Variants in RC3H2 observed in about 807,000 individuals in gnomAD.
RC3H2 encodes ring finger and CCCH-type domains 2.
Under a neutral mutation model 133.3 loss-of-function variants are expected in RC3H2, and 31 were observed. The ratio of observed to expected loss-of-function variants is 0.23; its 90% CI spans 0.17 to 0.31. The LOEUF is 0.31. Among genes scored for constraint, RC3H2 ranks in the 10% least tolerant of loss-of-function variants. The pLI is 1.00. For missense variants in RC3H2, 1,175 were observed against 1,437.2 expected, an observed-to-expected ratio of 0.82 and a Z score of 2.95; for synonymous variants, 517 against 502.2, an observed-to-expected ratio of 1.03 and a Z score of -0.40.
intron 18 of RC3H2, among the ~76,000 whole-genome samples, chr9:122,852,757 T>C (rs747843023): frequency 1.1e-4 from 15 of 142,340 alleles, no homozygotes; most frequent in Non-Finnish European, 2.0e-4. Flanking sequence ...GGGAGGGAGG[T>C]GGGGGGGTCA....
intron 2 of RC3H2, 68 bp from the exon 3 acceptor site, chr9:122,893,094 T>C (rs1270109886): frequency 2.0e-6 from 3 of 1,533,214 alleles, no homozygotes; most frequent in African/African-American, 1.4e-5. Flanking sequence ...ATTATTTATG[T>C]ACTTGATAAT....
chr9:122,851,794 C>T (rs1830033014), intron 18 of RC3H2, among the ~76,000 whole-genome samples: 1 of 152,234 alleles, frequency 6.6e-6, no homozygotes, highest in Non-Finnish European at 1.5e-5. Flanking sequence ...CTGGTTCACT[C>T]AGTGCTCAAT....
intron 9 of RC3H2, among the ~76,000 whole-genome samples, chr9:122,871,311 T>G (rs1179891823): frequency 6.6e-6 from 1 of 152,138 alleles, no homozygotes; most frequent in African/African-American, 2.4e-5. Flanking sequence ...TTCTTTTTTT[T>G]TTTTGAGACG....
chr9:122,859,252 C>CTTTGTTTTTTTTT (rs1830367509), intron 11 of RC3H2, 150 bp from the exon 12 acceptor site: 1 of 179,744 alleles, frequency 5.6e-6, no homozygotes, highest in African/African-American at 4.9e-5. Flanking sequence ...TATACCCTGG[C>CTTTGTTTTTTTTT]TTTTTTTTTT....
intron 13 of RC3H2, among the ~76,000 whole-genome samples, chr9:122,856,149 G>A (rs1320393537): frequency 2.0e-5 from 3 of 151,754 alleles, no homozygotes; most frequent in African/African-American, 7.3e-5. Context: ...TTTATAGTAT[G>A]GTACTAACAT....
intron 9 of RC3H2, among the ~76,000 whole-genome samples, chr9:122,876,830 AAG>A (rs1246619347): frequency 6.6e-6 from 1 of 152,116 alleles, no homozygotes; most frequent in African/African-American, 2.4e-5. Context: ...GGAGAAGAGA[AAG>A]AATACACAGG....
At position 122,848,004 on chromosome 9, in the gene RC3H2, AG is replaced by A. The variant is rs1353495930; in HGVS notation, c.*1622del. The A allele has an allele frequency of 6.6e-6, 1 of 152,164 alleles. No homozygotes were observed. The highest frequency in any genetic ancestry group is 2.4e-5 in the African/African-American group (1 of 41,456). 9.4% of individuals were successfully genotyped at this position (152,164 alleles called of 1,614,324 possible). On this transcript the variant is annotated 3_prime_UTR_variant, in exon 21 of 21. Transcript: ENST00000357244. ...TTACTCATTCTAATCAAGAAATTTC[AG>A]GGAAATGTCAACCCTCCCGCCCCTG...
chr9:122,873,535 C>G (rs935810415), intron 9 of RC3H2, among the ~76,000 whole-genome samples: 1 of 151,752 alleles, frequency 6.6e-6, no homozygotes, highest in Non-Finnish European at 1.5e-5. Flanking sequence ...ATGGTGAATC[C>G]CCATCTCTAC....
intron 18 of RC3H2, among the ~76,000 whole-genome samples, chr9:122,853,101 G>A (rs965881105): frequency 2.0e-5 from 3 of 152,094 alleles, no homozygotes; most frequent in Admixed American, 6.5e-5. Context: ...TGTGCTCTCT[G>A]AAACATGTGC....
At chr9:122,858,123 T>A (rs1167226228) in intron 12 of RC3H2, 30 bp from the exon 13 acceptor site, 4 of 1,599,854 alleles carry the variant, frequency 2.5e-6, no homozygotes, top group Non-Finnish European at 3.4e-6. Context: ...ACAATCTTAA[T>A]CATCTAGGGA....
chr9:122,860,030 G>C lies in RC3H2; in HGVS notation c.1736C>G (p.Ser579Cys). The C allele has an allele frequency of 6.2e-7, 1 of 1,614,094 alleles. No homozygotes were observed. The highest frequency in any genetic ancestry group is 8.5e-7 in the Non-Finnish European group (1 of 1,179,996). Residue 579 changes from serine (S) to cysteine (C), a missense_variant, in exon 11 of 21, where the codon TCC becomes TGC. By Grantham distance (112) the Ser-to-Cys change is moderately radical (BLOSUM62 -1). This residue lies in a region of RC3H2 where 490 missense variants were observed against 492.8 expected (regional missense o/e 0.99). Coordinates refer to ENST00000357244, the MANE Select transcript of RC3H2 (RefSeq NM_001100588.3). ...GTELNSVPQK[S>C]SPFLTRVPVY... is the part of the protein sequence containing the mutation. ...TGGTACTCTAGTTAGAAATGGGCTG[G>C]ATTTTTGAGGCACAGAATTCAGCTC...
intron 4 of RC3H2, 22 bp from the exon 5 acceptor site, chr9:122,883,401 G>A: frequency 6.4e-7 from 1 of 1,573,676 alleles, no homozygotes; most frequent in Middle Eastern, 1.7e-4. Flanking sequence ...AAAGGAACAT[G>A]AGTTCATGAC....
intron 9 of RC3H2, among the ~76,000 whole-genome samples, chr9:122,871,296 G>T (rs538488436): frequency 6.6e-6 from 1 of 151,734 alleles, no homozygotes; most frequent in African/African-American, 2.4e-5. Flanking sequence ...CTCAAATGTT[G>T]TATCTTCTTT....
chr9:122,846,293 T>C lies in RC3H2; in HGVS notation c.*3334A>G, dbSNP rs1829866780. ...TTTATTATCCTCTTACTAGAATAAA[T>C]AGCTATGATGGGAAGGAAAAATCAG... On this transcript the variant is annotated 3_prime_UTR_variant, in exon 21 of 21. Transcript: ENST00000357244. 6.6e-6 allele frequency: 1 copy of C among 152,150 alleles called. No individual in the cohort carries two copies. Among genetic ancestry groups the C allele is most frequent in the African/African-American group, 2.4e-5 (1 of 41,438 alleles). The allele number at this position is 152,150 out of a possible 1,614,324, so 9.4% of individuals were successfully genotyped here. A position where few individuals can be genotyped will look rare whatever the true frequency, so the allele number is the denominator to read the frequency against.
chr9:122,878,669 T>TA (rs1309928576), intron 8 of RC3H2, among the ~76,000 whole-genome samples: 1 of 152,148 alleles, frequency 6.6e-6, no homozygotes, highest in Non-Finnish European at 1.5e-5. Context: ...ATAATACATG[T>TA]AAAACATTGA....
chr9:122,871,423 G>A (rs1036060914), intron 9 of RC3H2, among the ~76,000 whole-genome samples: 4 of 151,404 alleles, frequency 2.6e-5, no homozygotes, highest in African/African-American at 7.3e-5. Context: ...TCAGCCTCCC[G>A]AGGAGCTGGT....
chr9:122,877,648 G>GA, intron 8 of RC3H2, 65 bp from the exon 9 acceptor site: 1 of 1,235,814 alleles, frequency 8.1e-7, no homozygotes, highest in South Asian at 1.2e-5. Flanking sequence ...TTCACTCTAG[G>GA]AAGTTCAGAA....
intron 18 of RC3H2, among the ~76,000 whole-genome samples, chr9:122,852,654 C>T (rs1453837439): frequency 2.7e-5 from 4 of 149,876 alleles, no homozygotes; most frequent in Non-Finnish European, 5.9e-5. Context: ...CCCAACCCGG[C>T]CAGCCGCCCT....
chr9:122,847,251 A>G lies in RC3H2; in HGVS notation c.*2376T>C, dbSNP rs1829890510. The G allele has an allele frequency of 6.6e-6, 1 of 152,154 alleles. No homozygotes were observed. The highest frequency in any genetic ancestry group is 1.5e-5 in the Non-Finnish European group (1 of 67,984). The allele number at this position is 152,154 out of a possible 1,614,324, so 9.4% of individuals were successfully genotyped here. A position where few individuals can be genotyped will look rare whatever the true frequency, so the allele number is the denominator to read the frequency against. On this transcript the variant is annotated 3_prime_UTR_variant, in exon 21 of 21. Coordinates refer to ENST00000357244, the MANE Select transcript of RC3H2 (RefSeq NM_001100588.3). The stretch of plus-strand genomic sequence containing the variant: ...CCAAGTTTCAAAATTTCAATTTTAA[A>G]ATTAAAAAGATAAGGTTAAATACAC...
Sources: gnomAD v4.1 joint callset for allele counts (sites outside exome capture counted in the v4.1 genomes callset) on GRCh38, gnomAD v4.1.1 for gene constraint, gnomAD v4.1.1 regional missense constraint, MANE v1.5 for transcripts, NCBI Gene and HGNC (gene_info 2026-07-23, HGNC 2026-07-21) for gene names.